Variants in USH2A observed in about 807,000 individuals in gnomAD.
USH2A encodes the protein usherin.
In USH2A, 443 loss-of-function variants were observed where a neutral mutation model predicts 538.9. The ratio of observed to expected loss-of-function variants is 0.82; its 90% CI spans 0.76 to 0.89. The LOEUF (loss-of-function observed/expected upper bound fraction) is 0.89. USH2A is among the 40% of genes least tolerant of loss of function. USH2A has a pLI of 0.00. For synonymous variants in USH2A, 2,413 were observed against 2,273.5 expected, an observed-to-expected ratio of 1.06 and a Z score of -1.75; for missense variants, 6,633 against 6,324.8, an observed-to-expected ratio of 1.05 and a Z score of -1.65.
chr1:216,088,192 T>C (rs2032193268), intron 23 of USH2A, among the ~76,000 whole-genome samples: 1 of 152,154 alleles, frequency 6.6e-6, no homozygotes, highest in Non-Finnish European at 1.5e-5. Flanking sequence ...GTTTCCCCTT[T>C]GTCCCTTTAG....
At chr1:216,268,361 T>C (rs963015628) in intron 11 of USH2A, among the ~76,000 whole-genome samples, 15 of 152,100 alleles carry the variant, frequency 9.9e-5, no homozygotes, top group Non-Finnish European at 2.1e-4. Context: ...AAAATGAGCA[T>C]AATAATATCT....
Position 215,759,161 on chromosome 1 carries a change from C to T in USH2A, c.11232-409G>A, listed in dbSNP as rs568937809. 3.9e-5 allele frequency among the ~76,000 whole-genome samples: 6 copies of T among 152,226 alleles called. No homozygotes were observed. In the South Asian group the frequency reaches 1.2e-3, roughly 32 times the overall value. On this transcript the variant is annotated intron_variant, in intron 57 of 71. Coordinates refer to ENST00000307340, the MANE Select transcript of USH2A (RefSeq NM_206933.4). ...AAATGAAATTGATCTCTACTTTCTACAGTAAAACATCTGTTGATTTAAGAT... is the reference window on the plus strand; with the variant it reads ...AAATGAAATTGATCTCTACTTTCTATAGTAAAACATCTGTTGATTTAAGAT...
At chr1:216,392,114 C>T (rs1329272931) in intron 3 of USH2A, among the ~76,000 whole-genome samples, 2 of 152,182 alleles carry the variant, frequency 1.3e-5, no homozygotes, top group Non-Finnish European at 2.9e-5. Flanking sequence ...CTGTCCCTCG[C>T]AGAGTTTATA....
intron 21 of USH2A, among the ~76,000 whole-genome samples, chr1:216,162,268 T>C (rs1217027012): frequency 6.6e-6 from 1 of 152,096 alleles, no homozygotes; most frequent in African/African-American, 2.4e-5. Context: ...CCTTCTGCAA[T>C]GTTTCATTGG....
At chr1:215,862,201 A>C (rs1664335640) in intron 44 of USH2A, among the ~76,000 whole-genome samples, 1 of 152,204 alleles carries the variant, frequency 6.6e-6, no homozygotes, top group African/African-American at 2.4e-5. Flanking sequence ...AGGTAATTAT[A>C]AAATAACATA....
intron 44 of USH2A, among the ~76,000 whole-genome samples, chr1:215,854,762 G>T (rs1410812281): frequency 6.6e-6 from 1 of 152,148 alleles, no homozygotes; most frequent in East Asian, 1.9e-4. Context: ...GAATAACCTG[G>T]TCACCCCATC....
intron 30 of USH2A, among the ~76,000 whole-genome samples, chr1:216,068,161 A>G (rs995490482): frequency 6.6e-6 from 1 of 152,204 alleles, no homozygotes; most frequent in African/African-American, 2.4e-5. Context: ...CTATGTAAAC[A>G]TGGCAGTTTT....
Position 216,151,456 on chromosome 1 carries a change from G to A in USH2A, c.4627+23796C>T, listed in dbSNP as rs375105312. Among the ~76,000 whole-genome samples, 13 of 152,206 alleles carry A rather than the reference G, an allele frequency of 8.5e-5. 1 individual carries two copies. Among genetic ancestry groups the A allele is most frequent in the Admixed American group, 3.3e-4 (5 of 15,288 alleles). ...CATGACACCGACATGACAAAAAAGA[G>A]TTATTCCACTAATTCCCTTGATGGT... is the stretch of plus-strand genomic sequence containing the variant. On this transcript the variant is annotated intron_variant, in intron 21 of 71. Transcript: ENST00000307340.
intron 44 of USH2A, among the ~76,000 whole-genome samples, chr1:215,846,391 T>A (rs1446776425): frequency 2.0e-5 from 3 of 152,062 alleles, no homozygotes; most frequent in Non-Finnish European, 4.4e-5. Flanking sequence ...TTTATCAGTG[T>A]TTTGTAGACA....
intron 11 of USH2A, among the ~76,000 whole-genome samples, chr1:216,281,589 T>C (rs561954628): frequency 1.3e-5 from 2 of 152,266 alleles, no homozygotes; most frequent in African/African-American, 4.8e-5. Flanking sequence ...AATATTCCAT[T>C]GTGTGATTAT....
At chr1:216,090,740 A>C (rs2032280636) in intron 22 of USH2A, among the ~76,000 whole-genome samples, 1 of 152,124 alleles carries the variant, frequency 6.6e-6, no homozygotes, top group African/African-American at 2.4e-5. Context: ...CATGCCCATT[A>C]GTTTTTCCAT....
intron 4 of USH2A, among the ~76,000 whole-genome samples, chr1:216,328,317 C>A (rs921771103): frequency 6.6e-6 from 1 of 151,946 alleles, no homozygotes; most frequent in African/African-American, 2.4e-5. Flanking sequence ...CCTTTCAAGG[C>A]AAATGTAGCT....
chr1:215,886,929 C>A (rs2102458625), intron 41 of USH2A, among the ~76,000 whole-genome samples: 1 of 152,176 alleles, frequency 6.6e-6, no homozygotes, highest in African/African-American at 2.4e-5. Context: ...ATAATCTCGG[C>A]TCACTGCAAG....
intron 35 of USH2A, among the ~76,000 whole-genome samples, chr1:215,981,921 G>GA (rs924835427): frequency 1.3e-5 from 2 of 152,222 alleles, no homozygotes; most frequent in Non-Finnish European, 2.9e-5. Flanking sequence ...GTGAATTAGA[G>GA]AAAAAAAGCA....
chr1:215,988,338 T>C (rs1667928707), intron 35 of USH2A, among the ~76,000 whole-genome samples: 1 of 152,230 alleles, frequency 6.6e-6, no homozygotes, highest in South Asian at 2.1e-4. Context: ...TCAAGTTTCA[T>C]CCAGAGCATA....
chr1:216,156,359 A>C (rs1294230832), intron 21 of USH2A, among the ~76,000 whole-genome samples: 3 of 137,856 alleles, frequency 2.2e-5, no homozygotes, highest in Non-Finnish European at 3.0e-5. Context: ...GTCTTCACTA[A>C]TCCTCTAGAC....
chr1:216,310,056 A>C (rs1415944661), intron 9 of USH2A, among the ~76,000 whole-genome samples: 1 of 152,074 alleles, frequency 6.6e-6, no homozygotes, highest in Non-Finnish European at 1.5e-5. Flanking sequence ...TAATGTTGGC[A>C]TTATAAAATG....
At chr1:216,270,124 C>T (rs558973495) in intron 11 of USH2A, among the ~76,000 whole-genome samples, 22 of 152,056 alleles carry the variant, frequency 1.4e-4, no homozygotes, top group Non-Finnish European at 2.6e-4. Flanking sequence ...TGAAGCAACA[C>T]TTTTAAAACA....
chr1:216,293,004 A>G (rs1484375396), intron 9 of USH2A, among the ~76,000 whole-genome samples: 1 of 149,656 alleles, frequency 6.7e-6, no homozygotes, highest in Admixed American at 6.6e-5. Flanking sequence ...ATAACTTATC[A>G]CACTGAACAC....
Sources: gnomAD v4.1 joint callset for allele counts (sites outside exome capture counted in the v4.1 genomes callset) on GRCh38, gnomAD v4.1.1 for gene constraint, MANE v1.5 for transcripts, NCBI Gene and HGNC (gene_info 2026-07-23, HGNC 2026-07-21) for gene names.